Variants in SYNPR observed in about 807,000 individuals in gnomAD.
The protein encoded by SYNPR is synaptoporin.
In SYNPR, 23 loss-of-function variants were observed where a neutral mutation model predicts 32.9. That is an observed-to-expected ratio of 0.70 (90% CI 0.50 to 0.99). The LOEUF (loss-of-function observed/expected upper bound fraction) is 0.99. SYNPR is among the 50% of genes least tolerant of loss of function. The probability of loss-of-function intolerance (pLI) is 0.00; values close to 1 mark genes in which losing one functional copy is unlikely to be tolerated. For synonymous variants in SYNPR, 146 were observed against 135.9 expected (o/e 1.07, Z -0.52); for missense variants, 318 against 349.3 (o/e 0.91, Z 0.71).
intron 2 of SYNPR, chr3:63,445,576 A>C: frequency 1.4e-6 from 1 of 701,114 alleles, no homozygotes; most frequent in Non-Finnish European, 2.6e-6. Flanking sequence ...ATTTCCATTT[A>C]GTAAGTACAT....
chr3:63,543,752 G>T (rs1267721824), intron 3 of SYNPR, among the ~76,000 whole-genome samples: 2 of 152,064 alleles, frequency 1.3e-5, no homozygotes, highest in African/African-American at 4.8e-5. Flanking sequence ...CAGGACACTG[G>T]CTTGGATAAG....
At position 63,550,551 on chromosome 3, in the gene SYNPR, G is replaced by T. The variant is rs117801063; in HGVS notation, c.210-5992G>T. On this transcript the variant is annotated intron_variant, in intron 3 of 5. Transcript: ENST00000478300. ...TTCTTTAAGTCAACATGCTAAGTCA[G>T]CAATGGGCAAAATATTGCTATTCGG... Among the ~76,000 whole-genome samples the T allele has an allele frequency of 5.1e-4, 78 of 152,126 alleles. 1 individual carries two copies. The East Asian group carries it at 0.012, about 24-fold the overall frequency.
intron 3 of SYNPR, among the ~76,000 whole-genome samples, chr3:63,486,770 G>T (rs1701163420): frequency 6.6e-6 from 1 of 152,112 alleles, no homozygotes; most frequent in African/African-American, 2.4e-5. Context: ...AAATAGCTTG[G>T]TTGGAAATCA....
chr3:63,530,121 A>G (rs1016354531), intron 3 of SYNPR, among the ~76,000 whole-genome samples: 6 of 152,186 alleles, frequency 3.9e-5, no homozygotes, highest in African/African-American at 1.2e-4. Context: ...AATAACAAGT[A>G]AAAACACCCT....
At chr3:63,482,021 AGCCCAGG>A (rs10586729) in intron 3 of SYNPR, among the ~76,000 whole-genome samples, 21,291 of 152,036 alleles carry the variant, frequency 0.14, 1,590 homozygotes, top group Non-Finnish European at 0.18. Context: ...GAACTACCAG[AGCCCAGG>A]ACTCTCAGTC....
At chr3:63,445,448 C>T in intron 2 of SYNPR, 1 of 638,128 alleles carries the variant, frequency 1.6e-6, no homozygotes, top group Non-Finnish European at 2.8e-6. Flanking sequence ...GAAAATCTGT[C>T]ATAATCTCTT....
chr3:63,463,202 T>C (rs1311748480), intron 2 of SYNPR, among the ~76,000 whole-genome samples: 3 of 152,236 alleles, frequency 2.0e-5, no homozygotes, highest in Middle Eastern at 3.4e-3. Flanking sequence ...TGTGGAACAT[T>C]TTATTTTACC....
chr3:63,337,023 G>A (rs1381712201), intron 2 of SYNPR, among the ~76,000 whole-genome samples: 1 of 152,018 alleles, frequency 6.6e-6, no homozygotes, highest in Admixed American at 6.6e-5. Context: ...CTTGAGGTCA[G>A]GAGTTCGAGA....
chr3:63,526,931 G>A (rs1245659350), intron 3 of SYNPR, among the ~76,000 whole-genome samples: 2 of 152,158 alleles, frequency 1.3e-5, no homozygotes, highest in Admixed American at 1.3e-4. Context: ...CATCTTCAAA[G>A]CATTCACGGT....
chr3:63,287,386 T>C (rs960099617), intron 2 of SYNPR, among the ~76,000 whole-genome samples: 10 of 152,136 alleles, frequency 6.6e-5, no homozygotes, highest in African/African-American at 2.4e-4. Context: ...AGTGTCAATG[T>C]AGATACCACT....
chr3:63,480,789 C>T, intron 2 of SYNPR, 43 bp from the exon 3 acceptor site: 3 of 1,604,866 alleles, frequency 1.9e-6, no homozygotes, highest in Non-Finnish European at 2.6e-6. Flanking sequence ...AGAGCAACAT[C>T]ATCCTAATAA....
At chr3:63,517,384 A>G (rs1701819849) in intron 3 of SYNPR, among the ~76,000 whole-genome samples, 1 of 152,158 alleles carries the variant, frequency 6.6e-6, no homozygotes, top group Admixed American at 6.6e-5. Flanking sequence ...GTGGATGATC[A>G]TGGAGGAAAA....
chr3:63,437,802 T>C (rs1700111535), intron 2 of SYNPR, among the ~76,000 whole-genome samples: 1 of 152,102 alleles, frequency 6.6e-6, no homozygotes, highest in African/African-American at 2.4e-5. Context: ...AGGGAATAAA[T>C]ACCCTGACCT....
intron 2 of SYNPR, among the ~76,000 whole-genome samples, chr3:63,408,158 G>GA (rs71926402): frequency 0.11 from 6,193 of 58,912 alleles, 1,532 homozygotes; most frequent in Middle Eastern, 0.15. Flanking sequence ...AAGAAAGAAA[G>GA]AAAGAAAGAA....
At chr3:63,508,693 A>G (rs1559520884) in intron 3 of SYNPR, among the ~76,000 whole-genome samples, 1 of 152,140 alleles carries the variant, frequency 6.6e-6, no homozygotes, top group Non-Finnish European at 1.5e-5. Context: ...GACCAATCAC[A>G]TGGCCTGAAG....
At chr3:63,499,722 C>T (rs903916490) in intron 3 of SYNPR, among the ~76,000 whole-genome samples, 1 of 151,990 alleles carries the variant, frequency 6.6e-6, no homozygotes, top group Non-Finnish European at 1.5e-5. Flanking sequence ...TTTCTAGCTC[C>T]GTTCATATGT....
rs573332201 is a variant in SYNPR at position 63,558,585 on chromosome 3, G to A, written c.408+1844G>A. ...ACTTCTGGACTCAGGTTATCCTCCC[G>A]CCTCGGCCTCCCAAAGTGCTGAGAT... On this transcript the variant is annotated intron_variant, in intron 4 of 5. Transcript: ENST00000478300. Among the ~76,000 whole-genome samples the A allele has an allele frequency of 3.3e-5, 5 of 152,056 alleles. No homozygotes were observed. In the South Asian group the frequency reaches 6.2e-4, roughly 19 times the overall value.
intron 2 of SYNPR, among the ~76,000 whole-genome samples, chr3:63,402,532 C>T (rs537295106): frequency 7.2e-4 from 110 of 152,246 alleles, no homozygotes; most frequent in African/African-American, 2.6e-3. Context: ...GGGATTGACC[C>T]CTCTGTATGA....
chr3:63,459,719 T>C (rs1339073833), intron 2 of SYNPR, among the ~76,000 whole-genome samples: 1 of 152,124 alleles, frequency 6.6e-6, no homozygotes, highest in East Asian at 1.9e-4. Flanking sequence ...ATGTGATTCA[T>C]CAAGTTCAAT....
Sources: gnomAD v4.1 joint callset for allele counts (sites outside exome capture counted in the v4.1 genomes callset) on GRCh38, gnomAD v4.1.1 for gene constraint, MANE v1.5 for transcripts, NCBI Gene and HGNC (gene_info 2026-07-23, HGNC 2026-07-21) for gene names.